The following NFIB variants were observed in gnomAD, a reference collection of about 807,000 sequenced individuals.
The protein encoded by NFIB is nuclear factor I B.
Under a neutral mutation model 61.5 loss-of-function variants are expected in NFIB, and 11 were observed. The ratio of observed to expected loss-of-function variants is 0.18; its 90% CI spans 0.11 to 0.30. The LOEUF is 0.30. NFIB is among the 10% of genes least tolerant of loss of function. The pLI, the probability that NFIB is intolerant of heterozygous loss-of-function variation, is 1.00. For synonymous variants in NFIB, 260 were observed against 216.5 expected, an observed-to-expected ratio of 1.20 and a Z score of -1.76; for missense variants, 471 against 608.9, an observed-to-expected ratio of 0.77 and a Z score of 2.38.
chr9:14,207,443 A>G (rs2049858673), intron 2 of NFIB, among the ~76,000 whole-genome samples: 1 of 152,212 alleles, frequency 6.6e-6, no homozygotes, highest in Non-Finnish European at 1.5e-5. Context: ...TGGTTTGGTA[A>G]TGTGTACAAA....
rs573492795 is a variant in NFIB, at chr9:14,091,897, T to A, written c.1468-3571A>T. Among the ~76,000 whole-genome samples, 3 of 152,170 alleles carry A rather than the reference T, an allele frequency of 2.0e-5. No individual in the cohort carries two copies. In the East Asian group the frequency reaches 5.8e-4, roughly 29 times the overall value. On this transcript the variant is annotated intron_variant, in intron 10 of 10. Transcript: ENST00000380953. The stretch of plus-strand genomic sequence containing the variant: ...TATTACTATGCATATAATGAGATAG[T>A]TCATTATAAAATGAATACATAAGAG...
upstream of NFIB, among the ~76,000 whole-genome samples, chr9:14,315,439 TG>T (rs1309127304): frequency 1.3e-5 from 2 of 148,784 alleles, no homozygotes; most frequent in East Asian, 4.1e-4. Flanking sequence ...CCCCGCTGGC[TG>T]GCTCCCAATC....
intron 2 of NFIB, among the ~76,000 whole-genome samples, chr9:14,212,688 A>G (rs775670873): frequency 2.6e-5 from 4 of 152,296 alleles, no homozygotes; most frequent in Middle Eastern, 3.4e-3. Context: ...TTCACATAAT[A>G]TAATTAATAA....
intron 2 of NFIB, among the ~76,000 whole-genome samples, chr9:14,259,073 T>C (rs1325663545): frequency 1.3e-5 from 2 of 152,198 alleles, no homozygotes; most frequent in Non-Finnish European, 2.9e-5. Flanking sequence ...ATCTGAATCA[T>C]AAGCACATAA....
intron 1 of NFIB, among the ~76,000 whole-genome samples, chr9:14,359,558 T>C (rs116366290): frequency 6.6e-6 from 1 of 152,294 alleles, no homozygotes; most frequent in African/African-American, 2.4e-5. Context: ...TTTGGACTAG[T>C]GGCCTCCATA....
At chr9:14,387,113 G>T (rs933825874) in intron 1 of NFIB, among the ~76,000 whole-genome samples, 2 of 152,186 alleles carry the variant, frequency 1.3e-5, no homozygotes, top group African/African-American at 4.8e-5. Flanking sequence ...TATGACTTGG[G>T]GTTAGGTGAC....
intron 2 of NFIB, among the ~76,000 whole-genome samples, chr9:14,260,719 T>C (rs1014835373): frequency 6.6e-6 from 1 of 152,206 alleles, no homozygotes; most frequent in Non-Finnish European, 1.5e-5. Context: ...TCTTGCAGGA[T>C]AGCTCAGATC....
At chr9:14,190,186 GTTAC>G (rs1172292951) in intron 2 of NFIB, among the ~76,000 whole-genome samples, 1 of 151,988 alleles carries the variant, frequency 6.6e-6, no homozygotes, top group African/African-American at 2.4e-5. Flanking sequence ...TATATCTTAT[GTTAC>G]TTACATGTGA....
chr9:14,372,026 GCTTAGA>G (rs2061363679), intron 1 of NFIB, among the ~76,000 whole-genome samples: 1 of 152,058 alleles, frequency 6.6e-6, no homozygotes, highest in African/African-American at 2.4e-5. Context: ...CACTCGGTGA[GCTTAGA>G]GCACCATCTC....
At chr9:14,503,048 C>T in the NFIB span, among the ~76,000 whole-genome samples, 5 of 151,048 alleles carry the variant, frequency 3.3e-5, no homozygotes, top group Admixed American at 1.3e-4. Flanking sequence ...TCTGCAAATG[C>T]CATTATTTAT....
Position 14,101,479 on chromosome 9 carries a change from T to C in NFIB, c.1467+11520A>G, listed in dbSNP as rs577574191. Among the ~76,000 whole-genome samples, 5 of 152,334 alleles carry C rather than the reference T, an allele frequency of 3.3e-5. No homozygotes were observed. The East Asian group carries it at 9.6e-4, about 29-fold the overall frequency. On this transcript the variant is annotated intron_variant, in intron 10 of 10. Coordinates refer to ENST00000380953, the MANE Select transcript of NFIB (RefSeq NM_001190737.2). ...GATAGGCAGACGATCTACAACTCTATCTGAGTATGTACCTTTCTATAGACA... is the reference window on the plus strand; with the variant it reads ...GATAGGCAGACGATCTACAACTCTACCTGAGTATGTACCTTTCTATAGACA...
At chr9:14,217,834 A>T (rs1352587097) in intron 2 of NFIB, among the ~76,000 whole-genome samples, 1 of 152,152 alleles carries the variant, frequency 6.6e-6, no homozygotes, top group Non-Finnish European at 1.5e-5. Flanking sequence ...TCTTTCCCCC[A>T]AAAGACATGA....
At chr9:14,136,359 C>G (rs1253471504) in intron 6 of NFIB, among the ~76,000 whole-genome samples, 1 of 152,066 alleles carries the variant, frequency 6.6e-6, no homozygotes, top group Non-Finnish European at 1.5e-5. Context: ...AGGTAAATAG[C>G]TGCTATTCAC....
intron 1 of NFIB, among the ~76,000 whole-genome samples, chr9:14,311,594 T>C (rs2060282155): frequency 6.6e-6 from 1 of 152,230 alleles, no homozygotes; most frequent in Admixed American, 6.5e-5. Flanking sequence ...GATAGCTGAA[T>C]GATTATGCTG....
At chr9:14,273,790 G>C (rs2132352688) in intron 2 of NFIB, among the ~76,000 whole-genome samples, 1 of 152,202 alleles carries the variant, frequency 6.6e-6, no homozygotes, top group South Asian at 2.1e-4. Context: ...CCAATGGTAT[G>C]TGGTCTTGAA....
At chr9:14,265,819 T>A (rs2057154465) in intron 2 of NFIB, among the ~76,000 whole-genome samples, 2 of 152,120 alleles carry the variant, frequency 1.3e-5, no homozygotes, top group Non-Finnish European at 2.9e-5. Flanking sequence ...AGAGAAAGAG[T>A]TCATTTAGCA....
At chr9:14,334,026 C>A (rs568965007) in intron 1 of NFIB, among the ~76,000 whole-genome samples, 1 of 152,212 alleles carries the variant, frequency 6.6e-6, no homozygotes, top group Non-Finnish European at 1.5e-5. Flanking sequence ...TTCCTCTCTG[C>A]GATTGCAGGT....
intron 10 of NFIB, among the ~76,000 whole-genome samples, chr9:14,103,597 T>C (rs201023836): frequency 2.7e-4 from 41 of 152,264 alleles, no homozygotes; most frequent in East Asian, 1.4e-3. Context: ...CTATTAAGAA[T>C]CTTTACTTTC....
At chr9:14,242,285 T>A (rs1265978291) in intron 2 of NFIB, among the ~76,000 whole-genome samples, 1 of 152,192 alleles carries the variant, frequency 6.6e-6, no homozygotes, top group African/African-American at 2.4e-5. Flanking sequence ...ATTACAAATA[T>A]CCACTCTCTA....
Sources: allele counts gnomAD v4.1 joint callset (sites outside exome capture counted in the v4.1 genomes callset), GRCh38; gene constraint gnomAD v4.1.1; transcripts MANE v1.5; gene names NCBI Gene and HGNC (gene_info 2026-07-23, HGNC 2026-07-21).